Variants in TNRC6B observed in about 807,000 individuals in gnomAD.
The protein encoded by TNRC6B is trinucleotide repeat containing adaptor 6B, also known as trinucleotide repeat-containing gene 6B protein.
A neutral mutation model predicts 203.6 loss-of-function variants in TNRC6B; 52 were observed. The observed-to-expected ratio is 0.26, with a 90% confidence interval of 0.20 to 0.32. The LOEUF (loss-of-function observed/expected upper bound fraction) is 0.32, where lower values mean the gene tolerates loss of function less well. Among genes scored for constraint, TNRC6B ranks in the 10% least tolerant of loss-of-function variants. The pLI is 1.00. For synonymous variants in TNRC6B, 838 were observed against 845.7 expected (o/e 0.99, Z 0.16); for missense variants, 1,923 against 2,286.2 (o/e 0.84, Z 3.24).
rs529694638 is a variant in TNRC6B at position 40,108,944 on chromosome 22, C to T, written c.-120-8111C>T. On this transcript the variant is annotated intron_variant, in intron 1 of 23. Transcript: ENST00000301923. Reference sequence around the variant, plus strand: ...TCTCCCTCCCCCCGCCACCCACCCCCAGCCAACAGGCCCAGTGTGTGTTGC... The same window carrying T: ...TCTCCCTCCCCCCGCCACCCACCCCTAGCCAACAGGCCCAGTGTGTGTTGC... Among the ~76,000 whole-genome samples, 3 of 150,850 alleles carry T rather than the reference C, an allele frequency of 2.0e-5. No individual in the cohort carries two copies. The East Asian group carries it at 5.9e-4, about 30-fold the overall frequency.
In TNRC6B at chr22:40,326,932, G is replaced by C. The variant is rs1294036808; in HGVS notation, c.*3691G>C. 6.6e-6 allele frequency: 1 copy of C among 152,612 alleles called. No homozygotes were observed. The highest frequency in any genetic ancestry group is 1.9e-4 in the East Asian group (1 of 5,202). The allele number at this position is 152,612 out of a possible 1,614,324, so 9.5% of individuals were successfully genotyped here. A position where few individuals can be genotyped will look rare whatever the true frequency, so the allele number is the denominator to read the frequency against. Reference sequence around the variant, plus strand: ...TTAGCTCCCAGCTACTGTTGTGCTCGTTTTAATTGCTGTTTTGAAGATCTG... The same window carrying C: ...TTAGCTCCCAGCTACTGTTGTGCTCCTTTTAATTGCTGTTTTGAAGATCTG... On this transcript the variant is annotated 3_prime_UTR_variant, in exon 23 of 23. Coordinates refer to ENST00000454349, the MANE Select transcript of TNRC6B (RefSeq NM_001162501.2).
intron 4 of TNRC6B, among the ~76,000 whole-genome samples, chr22:40,162,206 G>A (rs1402436575): frequency 1.3e-5 from 2 of 152,040 alleles, no homozygotes; most frequent in African/African-American, 2.4e-5. Context: ...AAGCCATTCT[G>A]CCCCAGCCTC....
intron 1 of TNRC6B, among the ~76,000 whole-genome samples, chr22:40,081,043 G>T (rs535398046): frequency 6.7e-6 from 1 of 149,986 alleles, no homozygotes; most frequent in Non-Finnish European, 1.5e-5. Context: ...TTTAGTGTGT[G>T]GGGGGGTGCG....
chr22:40,132,969 A>AAAAATATATATATATATATATATATATAT (rs1282694632), intron 3 of TNRC6B, among the ~76,000 whole-genome samples: 1 of 78,184 alleles, frequency 1.3e-5, no homozygotes, highest in Non-Finnish European at 2.6e-5. Flanking sequence ...AAAAAAAAAA[A>AAAAATATATATATATATATATATATATAT]ATATATATAT....
intron 1 of TNRC6B, among the ~76,000 whole-genome samples, chr22:40,078,810 G>C (rs534200966): frequency 6.6e-6 from 1 of 151,468 alleles, no homozygotes; most frequent in Non-Finnish European, 1.5e-5. Context: ...GCGGTGGCTC[G>C]TGCCTGTAAT....
intron 1 of TNRC6B, among the ~76,000 whole-genome samples, chr22:40,094,567 G>A (rs1283947773): frequency 1.3e-5 from 2 of 152,204 alleles, no homozygotes; most frequent in African/African-American, 4.8e-5. Context: ...AGAGTTTTGT[G>A]TATAAATTAT....
rs1444803377 is a variant in TNRC6B at position 40,323,612 on chromosome 22, C to T, written c.*371C>T. On this transcript the variant is annotated 3_prime_UTR_variant, in exon 23 of 23. Coordinates refer to ENST00000454349, the MANE Select transcript of TNRC6B (RefSeq NM_001162501.2). ...TTTTCATGTTATATGGAAGTTGTTG[C>T]TAAGAAACATATATACTGAAAAAAA... 1 of 164,592 alleles carries T rather than the reference C, an allele frequency of 6.1e-6. No homozygotes were observed. Among genetic ancestry groups the T allele is most frequent in the Non-Finnish European group, 1.3e-5 (1 of 75,858 alleles). 10.2% of individuals were successfully genotyped at this position (164,592 alleles called of 1,614,324 possible).
intron 1 of TNRC6B, among the ~76,000 whole-genome samples, chr22:40,082,849 T>C (rs929798672): frequency 1.3e-5 from 2 of 152,204 alleles, no homozygotes; most frequent in African/African-American, 2.4e-5. Context: ...TATTGTGTTA[T>C]TTACTGAGAT....
intron 4 of TNRC6B, among the ~76,000 whole-genome samples, chr22:40,171,412 CGGCCTCCCAAA>C (rs1256248874): frequency 1.3e-5 from 2 of 151,990 alleles, no homozygotes; most frequent in Non-Finnish European, 2.9e-5. Context: ...CCGCCTGCCT[CGGCCTCCCAAA>C]GTGCTGGGAT....
At chr22:40,289,810 G>C (rs2070844339) in intron 12 of TNRC6B, among the ~76,000 whole-genome samples, 1 of 152,090 alleles carries the variant, frequency 6.6e-6, no homozygotes, top group Non-Finnish European at 1.5e-5. Context: ...CTACTCATAG[G>C]TTGCCTTACA....
At chr22:40,313,610 A>G (rs2071217251) in intron 19 of TNRC6B, among the ~76,000 whole-genome samples, 1 of 152,260 alleles carries the variant, frequency 6.6e-6, no homozygotes, top group Admixed American at 6.5e-5. Flanking sequence ...TTTAGTTTGC[A>G]CAAGTCGGAC....
intron 1 of TNRC6B, chr22:40,106,613 T>A (rs1223342875): frequency 1.4e-6 from 1 of 726,620 alleles, no homozygotes; most frequent in African/African-American, 1.7e-5. Context: ...GATAAGTTCA[T>A]TTAGTGACTT....
At chr22:40,075,156 A>ATATAT in intron 1 of TNRC6B, among the ~76,000 whole-genome samples, 18 of 35,552 alleles carry the variant, frequency 5.1e-4, no homozygotes, top group East Asian at 3.0e-3. Context: ...ATATATATAT[A>ATATAT]TTTTTTTTTT....
At chr22:40,264,594 C>T (rs1172068272) in intron 4 of TNRC6B, 94 bp from the exon 5 acceptor site, 2 of 1,359,680 alleles carry the variant, frequency 1.5e-6, no homozygotes, top group African/African-American at 1.5e-5. Context: ...GATCAGCTCT[C>T]CTAAGGGCAG....
chr22:40,085,055 C>T (rs2068090182), intron 1 of TNRC6B, among the ~76,000 whole-genome samples: 1 of 152,142 alleles, frequency 6.6e-6, no homozygotes, highest in Non-Finnish European at 1.5e-5. Context: ...AGAGCACTTG[C>T]TCTGAGGGAA....
exon 4 of TNRC6B, chr22:40,156,120 A>G: frequency 6.3e-7 from 1 of 1,578,896 alleles, no homozygotes; most frequent in Non-Finnish European, 8.6e-7. Flanking sequence ...TGCAGGTGGA[A>G]CAGGAGGATT....
At chr22:40,179,247 T>A (rs994375908) in intron 1 of TNRC6B, among the ~76,000 whole-genome samples, 21 of 152,076 alleles carry the variant, frequency 1.4e-4, no homozygotes, top group Non-Finnish European at 3.1e-4. Flanking sequence ...CAGAGCCTCC[T>A]CCCCCTATCA....
intron 1 of TNRC6B, among the ~76,000 whole-genome samples, chr22:40,113,835 T>G (rs1249335489): frequency 6.6e-6 from 1 of 152,160 alleles, no homozygotes; most frequent in Non-Finnish European, 1.5e-5. Context: ...TTGCTGGTGT[T>G]GTGCTCCTCC....
intron 12 of TNRC6B, among the ~76,000 whole-genome samples, chr22:40,294,992 A>G (rs1180856511): frequency 6.6e-6 from 1 of 152,224 alleles, no homozygotes. Flanking sequence ...ATTGGTTGGT[A>G]ACACTCAGCA....
Sources: allele counts gnomAD v4.1 joint callset (sites outside exome capture counted in the v4.1 genomes callset), GRCh38; gene constraint gnomAD v4.1.1; transcripts MANE v1.5; gene names NCBI Gene and HGNC (gene_info 2026-07-23, HGNC 2026-07-21).